The following GPR146 variants were observed in gnomAD, a reference collection of about 807,000 sequenced individuals.
GPR146 encodes the protein G protein-coupled receptor 146.
For synonymous variants in GPR146, 203 were observed against 104.3 expected, an observed-to-expected ratio of 1.95 and a Z score of -5.77; for missense variants, 381 against 213.9, an observed-to-expected ratio of 1.78 and a Z score of -4.87.
intron 1 of GPR146, among the ~76,000 whole-genome samples, chr7:1,054,500 G>A (rs1190257584): frequency 2.0e-5 from 3 of 152,364 alleles, no homozygotes; most frequent in African/African-American, 7.2e-5. Context: ...GGTTCAGGGC[G>A]AGTGGGACGC....
At chr7:1,044,855 G>A (rs1284083944) in intron 1 of GPR146, among the ~76,000 whole-genome samples, 197 bp downstream of exon 1, 2 of 152,174 alleles carry the variant, frequency 1.3e-5, no homozygotes, top group East Asian at 1.9e-4. Flanking sequence ...GCCGCGCTCC[G>A]AGCTGAGCCC....
chr7:1,055,269 C>T (rs1303808764), intron 1 of GPR146: 1 of 471,090 alleles, frequency 2.1e-6, no homozygotes, highest in African/African-American at 2.0e-5. Context: ...CTGCGGGGAA[C>T]TTACCAGAGG....
At position 1,058,695 on chromosome 7, in the gene GPR146, C is replaced by T; in HGVS notation, c.*178C>T. 5.0e-6 allele frequency: 3 copies of T among 602,366 alleles called. No homozygotes were observed. Among genetic ancestry groups the T allele is most frequent in the Admixed American group, 6.2e-5 (2 of 32,252 alleles). 37.3% of individuals were successfully genotyped at this position (602,366 alleles called of 1,614,324 possible). Reference sequence around the variant, plus strand: ...CACTCTTGGGCCAAGGCTGTGGTCCCCGTGGCTGGCATCTGGCTTGAGTCT... The same window carrying T: ...CACTCTTGGGCCAAGGCTGTGGTCCTCGTGGCTGGCATCTGGCTTGAGTCT... On this transcript the variant is annotated 3_prime_UTR_variant, in exon 2 of 2. Coordinates refer to ENST00000444847, the MANE Select transcript of GPR146 (RefSeq NM_001303473.2).
intron 1 of GPR146, among the ~76,000 whole-genome samples, chr7:1,050,869 G>A (rs12701713): frequency 0.21 from 32,207 of 152,086 alleles, 3,570 homozygotes; most frequent in Admixed American, 0.23. Context: ...GGCTTGACGC[G>A]CAGGGGGTCT....
At chr7:1,053,303 G>A (rs769430548) in intron 1 of GPR146, among the ~76,000 whole-genome samples, 6 of 152,274 alleles carry the variant, frequency 3.9e-5, no homozygotes, top group Admixed American at 1.3e-4. Context: ...CGCAGGTGTG[G>A]CGACGGCGGG....
At chr7:1,057,314 C>T (rs79500423) in intron 1 of GPR146, among the ~76,000 whole-genome samples, 178 bp from the exon 2 acceptor site, 7 of 152,144 alleles carry the variant, frequency 4.6e-5, no homozygotes, top group African/African-American at 1.2e-4. Context: ...GGTCACGACC[C>T]GAGACGGCCA....
At chr7:1,055,089 G>A (rs780210396) in intron 1 of GPR146, among the ~76,000 whole-genome samples, 6 of 152,170 alleles carry the variant, frequency 3.9e-5, no homozygotes, top group Non-Finnish European at 5.9e-5. Context: ...AGGGGCCTGC[G>A]GGCAGAGGCC....
Position 1,052,089 on chromosome 7 carries a change from G to A in GPR146, c.-24-5403G>A, listed in dbSNP as rs1307149846. ...TGAAACTGGGCCATCTTGGACAGCT[G>A]AGGCCCAGGCAGGGCCAGCTCCTTC... On this transcript the variant is annotated intron_variant, in intron 1 of 1. Coordinates refer to ENST00000444847, the MANE Select transcript of GPR146 (RefSeq NM_001303473.2). This position sits in a 1 kb window ranked among gnomAD's most constrained non-coding sequence, Gnocchi z 4.2. Among the ~76,000 whole-genome samples, 1 of 152,270 alleles carries A rather than the reference G, an allele frequency of 6.6e-6. No homozygotes were observed. Among genetic ancestry groups the A allele is most frequent in the East Asian group, 1.9e-4 (1 of 5,200 alleles).
chr7:1,050,969 G>C (rs944968246), intron 1 of GPR146, among the ~76,000 whole-genome samples: 8 of 152,264 alleles, frequency 5.3e-5, no homozygotes, highest in African/African-American at 1.9e-4. Flanking sequence ...CCGTCAGAGA[G>C]GGGGATGGAC....
At chr7:1,054,557 C>T (rs762317979) in intron 1 of GPR146, among the ~76,000 whole-genome samples, 11 of 152,218 alleles carry the variant, frequency 7.2e-5, no homozygotes, top group Non-Finnish European at 1.0e-4. Flanking sequence ...TCCACGTGAC[C>T]GCCTCCCAAG....
intron 1 of GPR146, among the ~76,000 whole-genome samples, chr7:1,048,585 G>C (rs929836209): frequency 1.3e-5 from 2 of 152,116 alleles, no homozygotes; most frequent in African/African-American, 4.8e-5. Flanking sequence ...ATCAAAGTTA[G>C]CCCCGGGTTT....
chr7:1,049,074 T>C (rs974755948), intron 1 of GPR146, among the ~76,000 whole-genome samples: 1 of 152,176 alleles, frequency 6.6e-6, no homozygotes, highest in Non-Finnish European at 1.5e-5. Context: ...GCCTCCGCGG[T>C]CTGACCCTGT....
rs577879344 is a variant in GPR146, at chr7:1,051,840, T to G, written c.-24-5652T>G. Among the ~76,000 whole-genome samples the G allele has an allele frequency of 3.3e-5, 5 of 152,246 alleles. No homozygotes were observed. In the South Asian group the frequency reaches 8.3e-4, roughly 25 times the overall value. On this transcript the variant is annotated intron_variant, in intron 1 of 1. Transcript: ENST00000444847. Reference sequence around the variant, plus strand: ...GTTAAATGAAAACATTAGCCAGCTGTAGTGGCACATGCCTGTAGTCCCAGC... The same window carrying G: ...GTTAAATGAAAACATTAGCCAGCTGGAGTGGCACATGCCTGTAGTCCCAGC...
At chr7:1,049,668 C>G (rs941992441) in intron 1 of GPR146, among the ~76,000 whole-genome samples, 1 of 152,222 alleles carries the variant, frequency 6.6e-6, no homozygotes, top group Non-Finnish European at 1.5e-5. Context: ...TTCCTATTAG[C>G]AGGCTTACTA....
intron 1 of GPR146, among the ~76,000 whole-genome samples, chr7:1,051,243 G>A (rs905241643): frequency 1.3e-5 from 2 of 152,212 alleles, no homozygotes; most frequent in African/African-American, 4.8e-5. Context: ...TCCCAACCCC[G>A]GTCCTCTCAG....
chr7:1,047,680 C>G (rs1429484918), intron 1 of GPR146, among the ~76,000 whole-genome samples: 2 of 152,250 alleles, frequency 1.3e-5, no homozygotes, highest in African/African-American at 4.8e-5. Context: ...CGGCCAGGAG[C>G]TGGCCGTGGC....
Position 1,051,864 on chromosome 7 carries a change from G to C in GPR146, c.-24-5628G>C, listed in dbSNP as rs1206861712. Among the ~76,000 whole-genome samples the C allele has an allele frequency of 4.6e-5, 7 of 152,234 alleles. No individual in the cohort carries two copies. In the South Asian group the frequency reaches 6.2e-4, roughly 14 times the overall value. On this transcript the variant is annotated intron_variant, in intron 1 of 1. Transcript: ENST00000444847. The stretch of plus-strand genomic sequence containing the variant: ...GTAGTGGCACATGCCTGTAGTCCCA[G>C]CTTCTTGGGAGGCTGAGATGGGAGG...
rs1294755578 is a variant in GPR146, at chr7:1,059,009, C to G, written c.*492C>G. 2 of 182,538 alleles carry G rather than the reference C, an allele frequency of 1.1e-5. No individual in the cohort carries two copies. The highest frequency in any genetic ancestry group is 1.1e-4 in the Admixed American group (2 of 18,346). 11.3% of individuals were successfully genotyped at this position (182,538 alleles called of 1,614,324 possible). ...GGCGGCGTGTGCTAGCAAGGCCTGC[C>G]GGGTGTGCCGCAGTCACCACAGGGT... On this transcript the variant is annotated 3_prime_UTR_variant, in exon 2 of 2. Transcript: ENST00000444847.
rs114943624 is a variant in GPR146, at chr7:1,054,687, C to T, written c.-24-2805C>T. 9.3e-4 allele frequency among the ~76,000 whole-genome samples: 141 copies of T among 152,322 alleles called. 1 individual carries two copies. The highest frequency in any genetic ancestry group is 3.2e-3 in the African/African-American group (135 of 41,580). On this transcript the variant is annotated intron_variant, in intron 1 of 1. Coordinates refer to ENST00000444847, the MANE Select transcript of GPR146 (RefSeq NM_001303473.2). The stretch of plus-strand genomic sequence containing the variant: ...TGACTCCCTGCAAGGAGGGGTGCGG[C>T]GGGCAAGAGGCTGGCCCCACGCGGT...
Sources: allele counts gnomAD v4.1 joint callset (sites outside exome capture counted in the v4.1 genomes callset), GRCh38; gene constraint gnomAD v4.1.1; non-coding constraint Gnocchi (gnomAD v3.1); transcripts MANE v1.5; gene names NCBI Gene and HGNC (gene_info 2026-07-23, HGNC 2026-07-21).